The following CAMK1D variants were observed in gnomAD, a reference collection of about 807,000 sequenced individuals.
The protein encoded by CAMK1D is calcium/calmodulin-dependent protein kinase type 1D.
Under a neutral mutation model 47.7 loss-of-function variants are expected in CAMK1D, and 9 were observed. The ratio of observed to expected loss-of-function variants is 0.19; its 90% CI spans 0.11 to 0.33. CAMK1D has a LOEUF of 0.33. CAMK1D is among the 10% of genes least tolerant of loss of function. CAMK1D has a pLI of 1.00. For missense variants in CAMK1D, 291 were observed against 488.7 expected (o/e 0.60, Z 3.81); for synonymous variants, 184 against 184.9 (o/e 0.99, Z 0.04).
chr10:12,449,118 G>A (rs1032528611), intron 1 of CAMK1D, among the ~76,000 whole-genome samples: 18 of 152,094 alleles, frequency 1.2e-4, no homozygotes, highest in Non-Finnish European at 2.4e-4. Flanking sequence ...CACTGATGTG[G>A]TCTTTGAAAC....
chr10:12,658,340 C>G lies in CAMK1D; in HGVS notation c.225-8396C>G, dbSNP rs571574120. Among the ~76,000 whole-genome samples the G allele has an allele frequency of 2.7e-5, 4 of 150,510 alleles. No individual in the cohort carries two copies. The South Asian group carries it at 8.4e-4, about 32-fold the overall frequency. On this transcript the variant is annotated intron_variant, in intron 2 of 10. Coordinates refer to ENST00000619168, the MANE Select transcript of CAMK1D (RefSeq NM_153498.4). ...GCATGGCTGGGGAGGGCGGGGTGTG[C>G]GAGACCTGCCGGGGTTCAGTAAAAT... is the stretch of plus-strand genomic sequence containing the variant.
At chr10:12,550,260 T>C (rs1317507100) in intron 1 of CAMK1D, among the ~76,000 whole-genome samples, 1 of 152,206 alleles carries the variant, frequency 6.6e-6, no homozygotes, top group Non-Finnish European at 1.5e-5. Flanking sequence ...AATGAACGAA[T>C]GAATGAATGA....
In CAMK1D at chr10:12,468,863, T is replaced by C. The variant is rs45496705; in HGVS notation, c.93-84362T>C. 2.4e-3 allele frequency among the ~76,000 whole-genome samples: 365 copies of C among 152,266 alleles called. 1 individual carries two copies. Among genetic ancestry groups the C allele is most frequent in the Admixed American group, 4.4e-3 (67 of 15,300 alleles). ...TTTGTCATCCTTTCCTTTCATGGGG[T>C]TGTTTTTCTTATTGGATTCAGGCAA... On this transcript the variant is annotated intron_variant, in intron 1 of 10. Coordinates refer to ENST00000619168, the MANE Select transcript of CAMK1D (RefSeq NM_153498.4).
intron 8 of CAMK1D, among the ~76,000 whole-genome samples, chr10:12,819,887 G>C (rs1832954849): frequency 6.6e-6 from 1 of 152,168 alleles, no homozygotes; most frequent in African/African-American, 2.4e-5. Flanking sequence ...GTGACTGTCA[G>C]GGACGGAGAA....
In CAMK1D at chr10:12,627,680, T is replaced by C. The variant is rs1474636266; in HGVS notation, c.225-39056T>C. Among the ~76,000 whole-genome samples the C allele has an allele frequency of 3.9e-5, 6 of 152,236 alleles. No homozygotes were observed. In the East Asian group the frequency reaches 1.2e-3, roughly 29 times the overall value. ...GTATCTTTCACTCAGCATAATGTTT[T>C]TGAGCTTCATTCATGCTGTTGGGAT... On this transcript the variant is annotated intron_variant, in intron 2 of 10. Transcript: ENST00000619168.
At chr10:12,763,241 A>G (rs1307498911) in intron 4 of CAMK1D, among the ~76,000 whole-genome samples, 2 of 152,176 alleles carry the variant, frequency 1.3e-5, no homozygotes, top group African/African-American at 2.4e-5. Context: ...TTGAAATTGG[A>G]CTACTAAATT....
chr10:12,734,352 A>C (rs1329116103), intron 3 of CAMK1D, among the ~76,000 whole-genome samples: 1 of 4,992 alleles, frequency 2.0e-4, no homozygotes, highest in African/African-American at 4.6e-4. Context: ...AAAAATATAT[A>C]TATATATATA....
intron 1 of CAMK1D, among the ~76,000 whole-genome samples, chr10:12,535,589 G>T (rs549375121): frequency 6.6e-6 from 1 of 152,174 alleles, no homozygotes; most frequent in Non-Finnish European, 1.5e-5. Flanking sequence ...GGCCTCTTTA[G>T]TTAGGTTCTA....
intron 3 of CAMK1D, among the ~76,000 whole-genome samples, chr10:12,720,357 C>T (rs1231638332): frequency 6.6e-6 from 1 of 152,198 alleles, no homozygotes; most frequent in African/African-American, 2.4e-5. Flanking sequence ...GCCTCTTGGT[C>T]TTAGGCCTTC....
intron 3 of CAMK1D, among the ~76,000 whole-genome samples, chr10:12,692,713 A>G (rs1832976663): frequency 6.6e-6 from 1 of 152,218 alleles, no homozygotes; most frequent in Non-Finnish European, 1.5e-5. Flanking sequence ...TTTTCATTAA[A>G]GTGTTCTTTA....
chr10:12,491,832 G>A (rs1212669971), intron 1 of CAMK1D, among the ~76,000 whole-genome samples: 3 of 152,016 alleles, frequency 2.0e-5, no homozygotes, highest in Non-Finnish European at 2.9e-5. Flanking sequence ...CCATCACCCA[G>A]GCTGGAGTTC....
At chr10:12,815,639 C>A (rs1443014749) in intron 7 of CAMK1D, among the ~76,000 whole-genome samples, 1 of 152,260 alleles carries the variant, frequency 6.6e-6, no homozygotes, top group African/African-American at 2.4e-5. Context: ...GTTCTGCCAC[C>A]CAGCCCCTCA....
chr10:12,739,412 A>C (rs1443901120), intron 3 of CAMK1D, among the ~76,000 whole-genome samples: 1 of 147,818 alleles, frequency 6.8e-6, no homozygotes, highest in African/African-American at 2.5e-5. Flanking sequence ...AGTAGCTGGG[A>C]TTACAGGTGC....
At chr10:12,629,244 A>C (rs1409250905) in intron 2 of CAMK1D, among the ~76,000 whole-genome samples, 1 of 152,204 alleles carries the variant, frequency 6.6e-6, no homozygotes, top group Non-Finnish European at 1.5e-5. Context: ...TCTTCAGGAC[A>C]GGAGGGGAAT....
At chr10:12,605,797 C>G (rs1208907589) in intron 2 of CAMK1D, among the ~76,000 whole-genome samples, 2 of 152,200 alleles carry the variant, frequency 1.3e-5, no homozygotes, top group Non-Finnish European at 2.9e-5. Flanking sequence ...CTCTCTCTCC[C>G]TTTGGCAGAG....
intron 1 of CAMK1D, among the ~76,000 whole-genome samples, chr10:12,389,445 G>A (rs1476815033): frequency 6.6e-6 from 1 of 152,218 alleles, no homozygotes; most frequent in East Asian, 1.9e-4. Context: ...AGGAGACTCA[G>A]CTTCTGCCCA....
intron 1 of CAMK1D, among the ~76,000 whole-genome samples, chr10:12,535,336 T>C (rs1347369870): frequency 6.6e-6 from 1 of 152,212 alleles, no homozygotes; most frequent in African/African-American, 2.4e-5. Context: ...TGTTTTTATT[T>C]GTTCAGTGTT....
intron 10 of CAMK1D, among the ~76,000 whole-genome samples, chr10:12,828,295 A>T (rs1451989743): frequency 6.6e-6 from 1 of 152,162 alleles, no homozygotes; most frequent in African/African-American, 2.4e-5. Context: ...TTTTGAACCC[A>T]TTGCAAAGGC....
Position 12,401,264 on chromosome 10 carries a change from ATATAT to A in CAMK1D, c.92+51358_92+51362del, listed in dbSNP as rs1839203408. Among the ~76,000 whole-genome samples, 5 of 40,022 alleles carry A rather than the reference ATATAT, an allele frequency of 1.2e-4. 2 individuals carry two copies. Among genetic ancestry groups the A allele is most frequent in the African/African-American group, 5.1e-4 (5 of 9,724 alleles). The allele number at this position is 40,022 out of a possible 152,430, so 26.3% of individuals were successfully genotyped here. On this transcript the variant is annotated intron_variant, in intron 1 of 10. Coordinates refer to ENST00000619168, the MANE Select transcript of CAMK1D (RefSeq NM_153498.4). Reference sequence around the variant, plus strand: ...TATATATATATAATATATGTATTATATATATTATGTATATATTTTATATATATATA... The same window carrying A: ...TATATATATATAATATATGTATTATATATGTATATATTTTATATATATATA...
Sources: gnomAD v4.1 joint callset for allele counts (sites outside exome capture counted in the v4.1 genomes callset) on GRCh38, gnomAD v4.1.1 for gene constraint, MANE v1.5 for transcripts, NCBI Gene and HGNC (gene_info 2026-07-23, HGNC 2026-07-21) for gene names.